LSM4: variants seen among roughly 807,000 people sequenced by gnomAD.
The protein encoded by LSM4 is U6 snRNA-associated Sm-like protein LSm4.
A neutral mutation model predicts 22.3 loss-of-function variants in LSM4; 15 were observed. The ratio of observed to expected loss-of-function variants is 0.67; its 90% confidence interval spans 0.45 to 1.03. LSM4 has a LOEUF of 1.03. LSM4 is among the 50% of genes least tolerant of loss of function. The pLI is 0.00. For synonymous variants in LSM4, 90 were observed against 79.8 expected (o/e 1.13, Z -0.68); for missense variants, 127 against 198.0 (o/e 0.64, Z 2.15).
intron 2 of LSM4, among the ~76,000 whole-genome samples, chr19:18,315,034 G>A (rs12460970): frequency 0.87 from 131,576 of 151,994 alleles, 57,067 homozygotes; most frequent in African/African-American, 0.92. Context: ...GCAGGTGCCC[G>A]CCATCACGCC....
In LSM4 at chr19:18,316,071, A is replaced by G. The variant is rs1273815718; in HGVS notation, c.4-6T>C. 1 of 1,613,578 alleles carries G rather than the reference A, an allele frequency of 6.2e-7. No homozygotes were observed. On this transcript the variant is annotated splice_region_variant and splice_polypyrimidine_tract_variant and intron_variant, in intron 1 of 4. Transcript: ENST00000593829. ...TTCAGCAGTGACAAGGGAAGCTGAA[A>G]GGCAAATAAAGCCACATGATTTGTC... is the stretch of plus-strand genomic sequence containing the variant.
Position 18,318,992 on chromosome 19 carries a change from C to T in LSM4, c.4-2927G>A, listed in dbSNP as rs867456289. On this transcript the variant is annotated intron_variant, in intron 1 of 4. Transcript: ENST00000593829. ...CCACGGAGGCTCTCGCCTGTAATCTCGGCACTTTGGGAGGCTGAGGCGGGC... is the reference window on the plus strand; with the variant it reads ...CCACGGAGGCTCTCGCCTGTAATCTTGGCACTTTGGGAGGCTGAGGCGGGC... 7.9e-5 allele frequency among the ~76,000 whole-genome samples: 12 copies of T among 152,374 alleles called. 1 individual carries two copies. The Middle Eastern group carries it at 0.031, about 389-fold the overall frequency.
At position 18,309,841 on chromosome 19, in the gene LSM4, C is replaced by G. The variant is rs757835207; in HGVS notation, c.165G>C (p.Arg55=). ...CTSRDGDKFW[R]MPECYIRGST... Reference sequence around the variant, plus strand: ...TGCCGCGGATGTAGCACTCGGGCATCCGCCAGAACTTGTCCCCGTCCTGCG... The same window carrying G: ...TGCCGCGGATGTAGCACTCGGGCATGCGCCAGAACTTGTCCCCGTCCTGCG... The change falls in exon 4 of 5, where the codon CGG becomes CGC. Residue 55 remains arginine, a synonymous_variant. Transcript: ENST00000593829. 6.2e-6 allele frequency: 10 copies of G among 1,613,548 alleles called. No individual in the cohort carries two copies. The African/African-American group carries it at 1.1e-4, about 17-fold the overall frequency.
chr19:18,308,544 C>A (rs2148137000), intron 4 of LSM4, among the ~76,000 whole-genome samples: 1 of 152,352 alleles, frequency 6.6e-6, no homozygotes, highest in East Asian at 1.9e-4. Flanking sequence ...GGGCCAGAGG[C>A]CAGCGCTGCA....
intron 3 of LSM4, among the ~76,000 whole-genome samples, chr19:18,310,464 TGGCTCAAGGGC>T (rs770096715): frequency 1.3e-4 from 20 of 152,024 alleles, no homozygotes; most frequent in Non-Finnish European, 8.8e-5. Flanking sequence ...CCTGCCAGGG[TGGCTCAAGGGC>T]GGCTCCCAGC....
chr19:18,322,055 C>T (rs62122384), intron 1 of LSM4, among the ~76,000 whole-genome samples: 51 of 152,342 alleles, frequency 3.3e-4, no homozygotes, highest in Non-Finnish European at 6.3e-4. Flanking sequence ...CTTGATAAAT[C>T]TGTCTAGGAA....
intron 3 of LSM4, 122 bp downstream of exon 3, chr19:18,312,482 G>A: frequency 1.3e-6 from 1 of 782,944 alleles, no homozygotes; most frequent in Non-Finnish European, 2.2e-6. Context: ...CTGACCCCTG[G>A]AAGGACGAGC....
At position 18,323,005 on chromosome 19, in the gene LSM4, G is replaced by T. The variant is rs756832991; in HGVS notation, c.3+13C>A. The T allele has an allele frequency of 5.7e-6, 9 of 1,587,046 alleles. No individual in the cohort carries two copies. Among genetic ancestry groups the T allele is most frequent in the Non-Finnish European group, 7.7e-6 (9 of 1,171,180 alleles). On this transcript the variant is annotated intron_variant, in intron 1 of 4. Transcript: ENST00000593829. ...CGCCTCCCGGTGAGACCCCGCAGTTGCCCTGCCCTCACCATGGTGCCGGCG... is the reference window on the plus strand; with the variant it reads ...CGCCTCCCGGTGAGACCCCGCAGTTTCCCTGCCCTCACCATGGTGCCGGCG...
At chr19:18,310,063 A>G (rs1970282227) in intron 3 of LSM4, 1 of 567,246 alleles carries the variant, frequency 1.8e-6, no homozygotes, top group East Asian at 3.2e-5. Flanking sequence ...TCCTTCACCC[A>G]GGAGCAAGGG....
chr19:18,322,101 T>A (rs1691341636), intron 1 of LSM4, among the ~76,000 whole-genome samples: 2 of 152,196 alleles, frequency 1.3e-5, no homozygotes, highest in Admixed American at 6.5e-5. Context: ...GGTTACACAC[T>A]GACCAGCCGG....
chr19:18,308,779 G>A (rs542908918), intron 4 of LSM4, among the ~76,000 whole-genome samples: 5 of 152,352 alleles, frequency 3.3e-5, no homozygotes, highest in African/African-American at 1.2e-4. Flanking sequence ...AGAGGCCAGA[G>A]GCCAACGCTG....
chr19:18,319,571 C>A (rs113377929), intron 1 of LSM4, among the ~76,000 whole-genome samples: 4,717 of 152,214 alleles, frequency 0.031, 92 homozygotes, highest in Non-Finnish European at 0.045. Flanking sequence ...AAAACAACAA[C>A]AACAACAACA....
chr19:18,307,513 C>T lies in LSM4; in HGVS notation c.371G>A (p.Gly124Asp). ...AGGCTTCTTCTCTGGCTGGCCTCTG[C>T]CTGTGCCCGGGATCCCACCTCGGCC... The part of the protein sequence containing the change: ...GRGRGGIPGT[G>D]RGQPEKKPGR... The change falls in exon 5 of 5, where the codon GGC becomes GAC. Residue 124 changes from glycine to aspartate, a missense_variant. Transcript: ENST00000593829. 1 of 1,555,944 alleles carries T rather than the reference C, an allele frequency of 6.4e-7. No individual in the cohort carries two copies. Among genetic ancestry groups the T allele is most frequent in the Non-Finnish European group, 8.7e-7 (1 of 1,150,788 alleles).
chr19:18,314,017 T>C (rs893770362), intron 2 of LSM4, among the ~76,000 whole-genome samples: 7 of 152,032 alleles, frequency 4.6e-5, no homozygotes, highest in African/African-American at 1.7e-4. Flanking sequence ...TTTCACCATG[T>C]TGGCCAGGCT....
In LSM4 at chr19:18,309,796, G is replaced by A. The variant is rs371805780; in HGVS notation, c.210C>T (p.Arg70=). 46 of 1,613,980 alleles carry A rather than the reference G, an allele frequency of 2.9e-5. No individual in the cohort carries two copies. Among genetic ancestry groups the A allele is most frequent in the Non-Finnish European group, 3.8e-5 (45 of 1,179,940 alleles). Residue 70 remains arginine, a synonymous_variant, in exon 4 of 5, where the codon CGC becomes CGT. Transcript: ENST00000593829. ...YIRGSTIKYL[R]IPDEIIDMVK... is the part of the protein sequence containing the mutation. The stretch of plus-strand genomic sequence containing the variant: ...CCATGTCGATGATCTCGTCGGGGAT[G>A]CGCAGGTACTTGATGGTGCTGCCGC...
chr19:18,311,434 C>T (rs1008522631), intron 3 of LSM4, among the ~76,000 whole-genome samples: 1 of 152,180 alleles, frequency 6.6e-6, no homozygotes, highest in Non-Finnish European at 1.5e-5. Context: ...TCCGTCCACT[C>T]GAAGCTGGAG....
In LSM4 at chr19:18,315,033, C is replaced by T. The variant is rs141126186; in HGVS notation, c.45+991G>A. Among the ~76,000 whole-genome samples, 676 of 152,214 alleles carry T rather than the reference C, an allele frequency of 4.4e-3. 5 individuals carry two copies. The highest frequency in any genetic ancestry group is 0.013 in the African/African-American group (553 of 41,546). On this transcript the variant is annotated intron_variant, in intron 2 of 4. Coordinates refer to ENST00000593829, the MANE Select transcript of LSM4 (RefSeq NM_012321.5). ...CCAAGTAGCTGGGACTGCAGGTGCC[C>T]GCCATCACGCCCGGCTAATTTTTTT...
At chr19:18,310,755 C>G (rs1453433611) in intron 3 of LSM4, among the ~76,000 whole-genome samples, 2 of 152,188 alleles carry the variant, frequency 1.3e-5, no homozygotes, top group African/African-American at 4.8e-5. Flanking sequence ...ACCCAGGGCC[C>G]CCTCCAGCCT....
At chr19:18,310,093 C>CA in intron 3 of LSM4, 1 of 543,542 alleles carries the variant, frequency 1.8e-6, no homozygotes, top group East Asian at 3.3e-5. Flanking sequence ...TAGGCGCAGC[C>CA]CCCATTGTGC....
Sources: allele counts gnomAD v4.1 joint callset (sites outside exome capture counted in the v4.1 genomes callset), GRCh38; gene constraint gnomAD v4.1.1; transcripts MANE v1.5; gene names NCBI Gene and HGNC (gene_info 2026-07-23, HGNC 2026-07-21).